RPS6KA6: variants seen among roughly 807,000 people sequenced by gnomAD.
The protein encoded by RPS6KA6 is ribosomal protein S6 kinase alpha-6.
In RPS6KA6, 27 loss-of-function variants were observed where a neutral mutation model predicts 65.4. The ratio of observed to expected loss-of-function variants is 0.41; its 90% CI spans 0.30 to 0.57. The LOEUF (loss-of-function observed/expected upper bound fraction) is 0.57, where lower values mean the gene tolerates loss of function less well. Ranked by LOEUF, RPS6KA6 falls within the 20% of genes least tolerant of loss-of-function variation. The probability of loss-of-function intolerance (pLI) is 0.24; values close to 1 mark genes in which losing one functional copy is unlikely to be tolerated. For synonymous variants in RPS6KA6, 190 were observed against 184.2 expected (o/e 1.03, Z -0.26); for missense variants, 486 against 555.6 (o/e 0.87, Z 1.26).
intron 8 of RPS6KA6, among the ~76,000 whole-genome samples, chrX:84,122,250 A>G (rs2034684659): frequency 9.0e-6 from 1 of 111,181 alleles, no homozygotes; most frequent in African/African-American, 3.3e-5. Flanking sequence ...AAGCTCAGCA[A>G]CTGGGGGGCT....
At chrX:84,174,669 T>A (rs2035737464) in intron 1 of RPS6KA6, among the ~76,000 whole-genome samples, 1 of 111,927 alleles carries the variant, frequency 8.9e-6, no homozygotes, top group Non-Finnish European at 1.9e-5. Flanking sequence ...CTCATCTTTA[T>A]CAAGACTCAA....
chrX:84,156,032 A>T (rs1469001216), intron 3 of RPS6KA6, 43 bp downstream of exon 3: 5 of 763,200 alleles, frequency 6.6e-6, no homozygotes, highest in Admixed American at 4.8e-5. Flanking sequence ...TTTTTGCTAA[A>T]TGTTTAGAAG....
At position 84,065,049 on chromosome X, in the gene RPS6KA6, T is replaced by C; in HGVS notation, c.2034A>G (p.Leu678=). The change falls in exon 21 of 22, where the codon TTA becomes TTG. Residue 678 remains leucine (L), a synonymous_variant. Transcript: ENST00000262752. ...PHQRYTAEQI[L]KHSWITHRDQ... is the part of the protein sequence containing the mutation. ...CTCTGTGAGTTATCCATGAGTGCTT[T>C]AATATTTGTTCAGCAGTATACCGCT... 1 of 1,203,885 alleles carries C rather than the reference T, an allele frequency of 8.3e-7. No individual in the cohort carries two copies. The highest frequency in any genetic ancestry group is 1.1e-6 in the Non-Finnish European group (1 of 888,912).
At chrX:84,104,916 CAAAG>C (rs1037422736) in intron 16 of RPS6KA6, among the ~76,000 whole-genome samples, 7 of 110,289 alleles carry the variant, frequency 6.3e-5, no homozygotes, top group Non-Finnish European at 1.1e-4. Context: ...TGCAGTTCAT[CAAAG>C]AAAGAAATTA....
Position 84,106,436 on chromosome X carries a change from T to C in RPS6KA6, c.1294A>G (p.Ile432Val). 1 of 1,179,058 alleles carries C rather than the reference T, an allele frequency of 8.5e-7. No individual in the cohort carries two copies. The highest frequency in any genetic ancestry group is 1.2e-6 in the Non-Finnish European group (1 of 869,472). Residue 432 changes from isoleucine (I) to valine (V), a missense_variant, in exon 15 of 22, where the codon ATT becomes GTT. By Grantham distance (29) the Ile-to-Val change is conservative (BLOSUM62 3). Coordinates refer to ENST00000262752, the MANE Select transcript of RPS6KA6 (RefSeq NM_014496.5). ...FGEVYELKED[I>V]GVGSYSVCKR... The stretch of plus-strand genomic sequence containing the variant: ...CAAACAGAGTAGGAGCCAACACCAA[T>C]ATCCTCCTTCAATTCATATACTTCA...
intron 20 of RPS6KA6, among the ~76,000 whole-genome samples, chrX:84,065,965 G>C (rs933901192): frequency 9.0e-6 from 1 of 111,255 alleles, no homozygotes; most frequent in Non-Finnish European, 1.9e-5. Flanking sequence ...AACTCACGGA[G>C]GGTGAGCAGA....
intron 14 of RPS6KA6, 141 bp from the exon 15 acceptor site, chrX:84,106,628 G>T: frequency 2.0e-6 from 1 of 488,654 alleles, no homozygotes; most frequent in South Asian, 4.0e-5. Flanking sequence ...TTTATAAATG[G>T]CGTGAACCAA....
intron 20 of RPS6KA6, among the ~76,000 whole-genome samples, chrX:84,094,433 G>A (rs1455763761): frequency 1.8e-5 from 2 of 108,855 alleles, no homozygotes; most frequent in African/African-American, 3.3e-5. Context: ...ACGAGGTCAG[G>A]AGATCGAGAC....
intron 12 of RPS6KA6, among the ~76,000 whole-genome samples, chrX:84,108,254 A>T (rs2147439543): frequency 8.9e-6 from 1 of 112,104 alleles, no homozygotes; most frequent in Admixed American, 9.5e-5. Flanking sequence ...TCTATTTTTT[A>T]AAAAGCTTAC....
chrX:84,145,595 A>C, intron 5 of RPS6KA6, 38 bp from the exon 6 acceptor site: 61 of 750,722 alleles, frequency 8.1e-5, no homozygotes, highest in Non-Finnish European at 1.1e-4. Context: ...GGATAATCTC[A>C]AAGGCTTAAA....
chrX:84,064,140 T>G lies in RPS6KA6; in HGVS notation c.*137A>C. The G allele has an allele frequency of 1.4e-6, 1 of 695,188 alleles. No homozygotes were observed. Among genetic ancestry groups the G allele is most frequent in the Non-Finnish European group, 2.1e-6 (1 of 484,661 alleles). The allele number at this position is 695,188 out of a possible 1,213,427, so 57.3% of individuals were successfully genotyped here. A position where few individuals can be genotyped will look rare whatever the true frequency, so the allele number is the denominator to read the frequency against. ...CTGTGAATGGTTTTTTAAATCTCAC[T>G]TCCCCTAAAAATGGGGATTTAATAT... On this transcript the variant is annotated 3_prime_UTR_variant, in exon 22 of 22. Coordinates refer to ENST00000262752, the MANE Select transcript of RPS6KA6 (RefSeq NM_014496.5).
intron 20 of RPS6KA6, among the ~76,000 whole-genome samples, chrX:84,080,751 A>G (rs2033777969): frequency 9.2e-6 from 1 of 108,494 alleles, no homozygotes; most frequent in Non-Finnish European, 1.9e-5. Flanking sequence ...AGCAAATGCA[A>G]AAGAATGGAA....
Position 84,059,114 on chromosome X carries a change from C to CTTTTTTTTTTTTTTTT in RPS6KA6, c.*5147_*5162dup, listed in dbSNP as rs200378989. The CTTTTTTTTTTTTTTTT allele has an allele frequency of 7.1e-5, 2 of 28,289 alleles. No homozygotes were observed. The highest frequency in any genetic ancestry group is 1.2e-4 in the Non-Finnish European group (2 of 16,809). The allele number at this position is 28,289 out of a possible 1,213,427, so 2.3% of individuals were successfully genotyped here. A position where few individuals can be genotyped will look rare whatever the true frequency, so the allele number is the denominator to read the frequency against. On this transcript the variant is annotated 3_prime_UTR_variant, in exon 22 of 22. Transcript: ENST00000262752. ...AACTTTTTAAATGGCTGTTTCTTTT[C>CTTTTTTTTTTTTTTTT]TTTTTTTTTTTTTTTTTTTTTTTTT...
chrX:84,124,623 TA>T (rs200401555), intron 8 of RPS6KA6, among the ~76,000 whole-genome samples: 91 of 91,712 alleles, frequency 9.9e-4, no homozygotes, highest in Admixed American at 1.4e-3. Context: ...GAGACAAAAT[TA>T]AAAAAAAAAA....
rs1006813498 is a variant in RPS6KA6, at chrX:84,070,965, G to A, written c.1972-5854C>T. The stretch of plus-strand genomic sequence containing the variant: ...TATGTCAACAGTTTTCAGGATATCA[G>A]ATGTTAGGCAATAAAGGAAAGTGAT... On this transcript the variant is annotated intron_variant, in intron 20 of 21. Coordinates refer to ENST00000262752, the MANE Select transcript of RPS6KA6 (RefSeq NM_014496.5). Among the ~76,000 whole-genome samples the A allele has an allele frequency of 2.7e-5, 3 of 111,435 alleles. No individual in the cohort carries two copies. The Admixed American group carries it at 2.9e-4, about 11-fold the overall frequency.
intron 2 of RPS6KA6, among the ~76,000 whole-genome samples, chrX:84,157,724 C>T (rs2035440266): frequency 1.8e-5 from 2 of 110,435 alleles, no homozygotes; most frequent in Non-Finnish European, 3.8e-5. Flanking sequence ...ACTTCAGGTC[C>T]CTGCTTATGT....
At chrX:84,145,438 T>C in intron 6 of RPS6KA6, 40 bp downstream of exon 6, 1 of 878,198 alleles carries the variant, frequency 1.1e-6, no homozygotes, top group Admixed American at 3.3e-5. Flanking sequence ...TTTCTTAGTT[T>C]TGTTTTAAGA....
intron 17 of RPS6KA6, 26 bp from the exon 18 acceptor site, chrX:84,102,224 A>G (rs1280171666): frequency 3.8e-6 from 3 of 784,431 alleles, no homozygotes; most frequent in East Asian, 7.9e-5. Context: ...AAAAAGCATT[A>G]TATCTATATA....
chrX:84,065,903 T>A (rs1030018597), intron 20 of RPS6KA6, among the ~76,000 whole-genome samples: 1 of 111,389 alleles, frequency 9.0e-6, no homozygotes, highest in Non-Finnish European at 1.9e-5. Context: ...TTTCTCCATT[T>A]ACAACTGAGG....
Sources: allele counts gnomAD v4.1 joint callset (sites outside exome capture counted in the v4.1 genomes callset), GRCh38; gene constraint gnomAD v4.1.1; transcripts MANE v1.5; gene names NCBI Gene and HGNC (gene_info 2026-07-23, HGNC 2026-07-21).